MAST2: variants seen among roughly 807,000 people sequenced by gnomAD.
MAST2 encodes microtubule-associated serine/threonine-protein kinase 2.
Under a neutral mutation model 147.4 loss-of-function variants are expected in MAST2, and 70 were observed. That is an observed-to-expected ratio of 0.47 (90% CI 0.39 to 0.58). MAST2 has a LOEUF of 0.58. Among genes scored for constraint, MAST2 ranks in the 20% least tolerant of loss-of-function variants. The probability of loss-of-function intolerance (pLI) is 0.00; values close to 1 mark genes in which losing one functional copy is unlikely to be tolerated. For missense variants in MAST2, 2,080 were observed against 2,302.3 expected, an observed-to-expected ratio of 0.90 and a Z score of 1.98; for synonymous variants, 869 against 896.8, an observed-to-expected ratio of 0.97 and a Z score of 0.55.
At chr1:45,913,356 CCCATG>C (rs1651963302) in intron 4 of MAST2, among the ~76,000 whole-genome samples, 1 of 152,194 alleles carries the variant, frequency 6.6e-6, no homozygotes, top group African/African-American at 2.4e-5. Context: ...TTTAGCCTGG[CCCATG>C]CCTTCTGGGT....
chr1:45,917,395 C>G (rs761409737), intron 4 of MAST2: 1 of 1,366,588 alleles, frequency 7.3e-7, no homozygotes, highest in Non-Finnish European at 9.8e-7. Context: ...TCACCCACAT[C>G]TGCTCCAGCC....
chr1:45,839,552 A>G (rs1645211389), intron 3 of MAST2, among the ~76,000 whole-genome samples: 1 of 152,186 alleles, frequency 6.6e-6, no homozygotes, highest in Admixed American at 6.5e-5. Flanking sequence ...GCTTACAGGC[A>G]TGAACCACCT....
intron 4 of MAST2, among the ~76,000 whole-genome samples, chr1:45,900,196 G>GAAAAAAAAGATTT (rs1649532428): frequency 8.7e-6 from 1 of 114,842 alleles, no homozygotes; most frequent in Non-Finnish European, 1.8e-5. Flanking sequence ...AAAAAAAAAA[G>GAAAAAAAAGATTT]ATTTACCCTT....
At chr1:45,884,468 C>T (rs190200122) in intron 4 of MAST2, among the ~76,000 whole-genome samples, 3 of 152,282 alleles carry the variant, frequency 2.0e-5, no homozygotes, top group Admixed American at 2.0e-4. Flanking sequence ...AGGAGAATTG[C>T]TTGAATCCAG....
chr1:46,011,006 A>G, intron 10 of MAST2, 67 bp downstream of exon 10: 1 of 1,347,602 alleles, frequency 7.4e-7, no homozygotes. Flanking sequence ...ATCCCAAGCT[A>G]AGATTAGGGC....
chr1:45,952,600 C>A (rs1315334868), intron 4 of MAST2, among the ~76,000 whole-genome samples: 2 of 152,028 alleles, frequency 1.3e-5, no homozygotes, highest in Non-Finnish European at 2.9e-5. Flanking sequence ...AAATTAAGTA[C>A]AAAGGAACAG....
chr1:46,009,416 G>A (rs1052744102), intron 9 of MAST2, among the ~76,000 whole-genome samples: 7 of 152,206 alleles, frequency 4.6e-5, no homozygotes, highest in African/African-American at 1.2e-4. Context: ...GCCTCCTGAA[G>A]ATAGGCCCTG....
chr1:45,876,316 A>G (rs1646604702), intron 3 of MAST2, among the ~76,000 whole-genome samples: 1 of 152,234 alleles, frequency 6.6e-6, no homozygotes, highest in South Asian at 2.1e-4. Flanking sequence ...GTGAAGGGAA[A>G]TAAAATTGAT....
chr1:45,816,924 G>T (rs141070598), intron 1 of MAST2, among the ~76,000 whole-genome samples: 1,557 of 152,244 alleles, frequency 0.01, 19 homozygotes, highest in East Asian at 0.034. Context: ...TGATCCACCT[G>T]CCTCGGCTTC....
chr1:46,031,142 C>G lies in MAST2; in HGVS notation c.2844C>G (p.Ser948Arg). 6.2e-7 allele frequency: 1 copy of G among 1,608,776 alleles called. No homozygotes were observed. Among genetic ancestry groups the G allele is most frequent in the South Asian group, 1.1e-5 (1 of 90,688 alleles). The change falls in exon 23 of 29, where the codon AGC becomes AGG. Residue 948 changes from serine (S) to arginine (R), a missense_variant. This residue lies in a region of MAST2 where 1,278 missense variants were observed against 1,304.2 expected (regional missense o/e 0.98). Coordinates refer to ENST00000361297, the MANE Select transcript of MAST2 (RefSeq NM_015112.3). The surrounding 1 kb of genome is among the most constrained non-coding windows in gnomAD (Gnocchi z 4.1). ...RFPEGPEEAS[S>R]TLRRQPQEGI... ...CGGAGGGCCCTGAGGAGGCCAGCAG[C>G]ACCCTCAGGAGGCAACCACAGGAGG...
chr1:45,826,141 C>T (rs553624288), intron 2 of MAST2, among the ~76,000 whole-genome samples: 2 of 152,110 alleles, frequency 1.3e-5, no homozygotes, highest in African/African-American at 4.8e-5. Flanking sequence ...ATCTAACAAC[C>T]AGAATATTCA....
At chr1:45,967,376 A>G (rs930276214) in intron 5 of MAST2, among the ~76,000 whole-genome samples, 6 of 152,156 alleles carry the variant, frequency 3.9e-5, no homozygotes, top group Non-Finnish European at 5.9e-5. Context: ...GGCCTTGCAT[A>G]TAACTTTTGA....
chr1:45,922,210 G>A (rs1474426844), intron 4 of MAST2, among the ~76,000 whole-genome samples: 8 of 152,190 alleles, frequency 5.3e-5, no homozygotes, highest in Admixed American at 3.3e-4. Flanking sequence ...GTCCATGGGC[G>A]GCCATGGGTG....
At chr1:45,867,408 G>A (rs188426921) in intron 3 of MAST2, among the ~76,000 whole-genome samples, 9 of 152,228 alleles carry the variant, frequency 5.9e-5, no homozygotes, top group East Asian at 3.9e-4. Flanking sequence ...AGGTTTTTCC[G>A]CAGAGTTTCT....
chr1:45,870,643 C>T (rs1347600914), intron 3 of MAST2, among the ~76,000 whole-genome samples: 2 of 151,206 alleles, frequency 1.3e-5, no homozygotes, highest in African/African-American at 2.4e-5. Flanking sequence ...AGTGGAATGC[C>T]GAGTACAGTG....
chr1:45,945,858 A>G (rs1403813135), intron 4 of MAST2, among the ~76,000 whole-genome samples: 1 of 152,184 alleles, frequency 6.6e-6, no homozygotes, highest in Non-Finnish European at 1.5e-5. Flanking sequence ...CAAACCAAAT[A>G]TACCACAACT....
chr1:46,009,965 C>G (rs568275297), intron 9 of MAST2, among the ~76,000 whole-genome samples: 14 of 152,188 alleles, frequency 9.2e-5, no homozygotes, highest in Admixed American at 1.3e-4. Flanking sequence ...TTTGACATGA[C>G]TGTGTAGTTA....
intron 4 of MAST2, among the ~76,000 whole-genome samples, chr1:45,913,279 A>G (rs1651953648): frequency 6.6e-6 from 1 of 152,148 alleles, no homozygotes; most frequent in Non-Finnish European, 1.5e-5. Context: ...TGCTGCAGAA[A>G]CGCCCACATA....
At chr1:46,009,635 G>A (rs1193882306) in intron 9 of MAST2, among the ~76,000 whole-genome samples, 1 of 152,190 alleles carries the variant, frequency 6.6e-6, no homozygotes, top group East Asian at 1.9e-4. Context: ...CTCCTTGTAT[G>A]TTAGGTGTTT....
Sources: gnomAD v4.1 joint callset for allele counts (sites outside exome capture counted in the v4.1 genomes callset) on GRCh38, gnomAD v4.1.1 for gene constraint, gnomAD v4.1.1 regional missense constraint, Gnocchi (gnomAD v3.1) non-coding constraint, MANE v1.5 for transcripts, NCBI Gene and HGNC (gene_info 2026-07-23, HGNC 2026-07-21) for gene names.